ANXA10: variants seen among roughly 807,000 people sequenced by gnomAD.
ANXA10 encodes the protein annexin A10.
Under a neutral mutation model 53.5 loss-of-function variants are expected in ANXA10, and 49 were observed. The observed-to-expected ratio is 0.92, with a 90% confidence interval of 0.73 to 1.16. The LOEUF (loss-of-function observed/expected upper bound fraction) is 1.16. Ranked by LOEUF, ANXA10 falls within the 50% of genes most tolerant of loss-of-function variation. ANXA10 has a pLI of 0.00. For synonymous variants in ANXA10, 131 were observed against 128.9 expected, an observed-to-expected ratio of 1.02 and a Z score of -0.11; for missense variants, 393 against 394.4, an observed-to-expected ratio of 1.00 and a Z score of 0.03.
At chr4:168,150,476 G>T (rs1312960363) in intron 3 of ANXA10, among the ~76,000 whole-genome samples, 2 of 152,168 alleles carry the variant, frequency 1.3e-5, no homozygotes, top group Non-Finnish European at 2.9e-5. Flanking sequence ...ATAAAAGGTT[G>T]CAGCCTGCAG....
At chr4:168,176,574 C>T (rs1732131567) in intron 6 of ANXA10, among the ~76,000 whole-genome samples, 1 of 152,076 alleles carries the variant, frequency 6.6e-6, no homozygotes, top group African/African-American at 2.4e-5. Flanking sequence ...CATCAGGAAC[C>T]GGTAAGAAAT....
intron 6 of ANXA10, among the ~76,000 whole-genome samples, chr4:168,174,547 C>T (rs555710316): frequency 2.0e-5 from 3 of 152,214 alleles, no homozygotes; most frequent in Non-Finnish European, 2.9e-5. Context: ...GCCCAACAGG[C>T]TGAATGGGCA....
At chr4:168,173,642 A>T (rs892802981) in intron 6 of ANXA10, among the ~76,000 whole-genome samples, 1 of 152,162 alleles carries the variant, frequency 6.6e-6, no homozygotes, top group Non-Finnish European at 1.5e-5. Context: ...TAGCAGCAGG[A>T]GACAGACAAA....
chr4:168,135,020 T>G (rs187668699), intron 2 of ANXA10, among the ~76,000 whole-genome samples: 1 of 152,334 alleles, frequency 6.6e-6, no homozygotes, highest in East Asian at 1.9e-4. Context: ...CTCCATTATA[T>G]ATCTTCCCTT....
At chr4:168,099,686 T>G (rs960794193) in intron 1 of ANXA10, among the ~76,000 whole-genome samples, 5 of 152,144 alleles carry the variant, frequency 3.3e-5, no homozygotes, top group African/African-American at 1.2e-4. Context: ...AGAATGACTG[T>G]GGGCGGCTAT....
rs190963590 is a variant in ANXA10, at chr4:168,098,242, C to T, written c.18+5524C>T. 2.7e-3 allele frequency among the ~76,000 whole-genome samples: 408 copies of T among 151,968 alleles called. 1 individual carries two copies. Among genetic ancestry groups the T allele is most frequent in the Non-Finnish European group, 4.4e-3 (297 of 67,962 alleles). ...TATCACAAATGGCAAGCACTAAGAA[C>T]GTACTTCTTTCCTTAACCCTTAAGG... On this transcript the variant is annotated intron_variant, in intron 1 of 11. Transcript: ENST00000359299.
Position 168,129,262 on chromosome 4 carries a change from T to C in ANXA10, c.100+1097T>C, listed in dbSNP as rs1321718796. 2.0e-5 allele frequency among the ~76,000 whole-genome samples: 3 copies of C among 152,276 alleles called. No homozygotes were observed. In the East Asian group the frequency reaches 5.8e-4, roughly 29 times the overall value. ...TTAAAATATGCTCGCTAAAGCTGAC[T>C]TTAGGAGTTTGCAATGCTTTCATGC... is the stretch of plus-strand genomic sequence containing the variant. On this transcript the variant is annotated intron_variant, in intron 2 of 11. Transcript: ENST00000359299.
intron 1 of ANXA10, among the ~76,000 whole-genome samples, chr4:168,112,080 G>A (rs1183525416): frequency 6.6e-6 from 1 of 152,146 alleles, no homozygotes. Flanking sequence ...GATCACTTGA[G>A]GCCAGCAGTT....
At chr4:168,148,761 G>A (rs946708801) in intron 3 of ANXA10, among the ~76,000 whole-genome samples, 1 of 151,602 alleles carries the variant, frequency 6.6e-6, no homozygotes, top group African/African-American at 2.4e-5. Flanking sequence ...TTCTGATTTC[G>A]ATGTGATTTT....
At chr4:168,168,451 C>T (rs935839254) in intron 6 of ANXA10, among the ~76,000 whole-genome samples, 1 of 152,052 alleles carries the variant, frequency 6.6e-6, no homozygotes, top group Admixed American at 6.6e-5. Context: ...CGGAGTTTCA[C>T]TCTTGTCACC....
At chr4:168,154,946 C>G (rs967163227) in intron 3 of ANXA10, among the ~76,000 whole-genome samples, 1 of 152,130 alleles carries the variant, frequency 6.6e-6, no homozygotes, top group African/African-American at 2.4e-5. Flanking sequence ...GCCTGGCCTA[C>G]TCAACTTTCC....
intron 4 of ANXA10, among the ~76,000 whole-genome samples, chr4:168,163,411 T>G (rs915221304): frequency 6.6e-6 from 1 of 152,092 alleles, no homozygotes; most frequent in Admixed American, 6.5e-5. Context: ...GGAAAAAAAT[T>G]AAAGGACATG....
chr4:168,123,685 C>T (rs145913272), intron 1 of ANXA10, among the ~76,000 whole-genome samples: 3 of 152,136 alleles, frequency 2.0e-5, no homozygotes, highest in South Asian at 4.2e-4. Flanking sequence ...TCACAGGTGC[C>T]GAACTAAAGT....
rs1194192048 is a variant in ANXA10 at position 168,144,536 on chromosome 4, A to G, written c.195+4956A>G. On this transcript the variant is annotated intron_variant, in intron 3 of 11. Transcript: ENST00000359299. The stretch of plus-strand genomic sequence containing the variant: ...ATTGACCTGTTCCATTCCAGTAGAT[A>G]TAACTTCAGTTTTTTTCTATCATTT... Among the ~76,000 whole-genome samples the G allele has an allele frequency of 3.9e-5, 6 of 152,204 alleles. No homozygotes were observed. The East Asian group carries it at 1.2e-3, about 29-fold the overall frequency.
At chr4:168,099,014 T>C (rs1012940240) in intron 1 of ANXA10, among the ~76,000 whole-genome samples, 6 of 152,156 alleles carry the variant, frequency 3.9e-5, no homozygotes, top group African/African-American at 1.2e-4. Flanking sequence ...AATTGAAACA[T>C]TTCTGCTATT....
chr4:168,123,148 T>C (rs1267952081), intron 1 of ANXA10, among the ~76,000 whole-genome samples: 1 of 152,156 alleles, frequency 6.6e-6, no homozygotes, highest in African/African-American at 2.4e-5. Flanking sequence ...GAGCATGCAA[T>C]GTGGAGTCCA....
intron 3 of ANXA10, among the ~76,000 whole-genome samples, chr4:168,147,083 AG>A (rs768216927): frequency 1.6e-4 from 24 of 152,292 alleles, no homozygotes; most frequent in Non-Finnish European, 2.4e-4. Context: ...TTTCCCCAAA[AG>A]TTTCCCCCAG....
intron 11 of ANXA10, among the ~76,000 whole-genome samples, chr4:168,187,119 T>C (rs922866133): frequency 4.6e-5 from 7 of 152,144 alleles, no homozygotes; most frequent in African/African-American, 1.7e-4. Context: ...TTCTTATAAA[T>C]ACACATTCAG....
chr4:168,094,378 T>C (rs1730510223), intron 1 of ANXA10, among the ~76,000 whole-genome samples: 1 of 152,170 alleles, frequency 6.6e-6, no homozygotes, highest in African/African-American at 2.4e-5. Context: ...GCCTGGATGG[T>C]AAAATGGTTT....
Sources: allele counts gnomAD v4.1 joint callset (sites outside exome capture counted in the v4.1 genomes callset), GRCh38; gene constraint gnomAD v4.1.1; transcripts MANE v1.5; gene names NCBI Gene and HGNC (gene_info 2026-07-23, HGNC 2026-07-21).